Variants in SAXO1 observed in about 807,000 individuals in gnomAD.
SAXO1 encodes stabilizer of axonemal microtubules 1.
A neutral mutation model predicts 17.5 loss-of-function variants in SAXO1; 21 were observed. The ratio of observed to expected loss-of-function variants is 1.20; its 90% CI spans 0.85 to 1.72. The LOEUF is 1.72. Ranked by LOEUF, SAXO1 falls within the 40% of genes most tolerant of loss-of-function variation. The pLI, the probability that SAXO1 is intolerant of heterozygous loss-of-function variation, is 0.00. For missense variants in SAXO1, 843 were observed against 596.0 expected (o/e 1.41, Z -4.32); for synonymous variants, 274 against 216.5 (o/e 1.27, Z -2.33).
intron 1 of SAXO1, among the ~76,000 whole-genome samples, chr9:18,960,168 A>C (rs1251030969): frequency 3.3e-5 from 5 of 152,196 alleles, no homozygotes. Flanking sequence ...AAAAATATTT[A>C]GATTAATTAG....
chr9:18,971,371 A>G (rs560697078), intron 1 of SAXO1, among the ~76,000 whole-genome samples: 1 of 152,214 alleles, frequency 6.6e-6, no homozygotes, highest in South Asian at 2.1e-4. Flanking sequence ...TTCCATCAAA[A>G]TGTATCAGGG....
intron 1 of SAXO1, among the ~76,000 whole-genome samples, chr9:18,984,402 C>G (rs1833513685): frequency 6.6e-6 from 1 of 152,192 alleles, no homozygotes; most frequent in Admixed American, 6.5e-5. Context: ...ATGGCATCTT[C>G]TTCCAATAGA....
At chr9:18,941,523 G>C (rs1366048106) in intron 3 of SAXO1, 114 bp downstream of exon 3, 14 of 1,201,854 alleles carry the variant, frequency 1.2e-5, no homozygotes, top group Admixed American at 1.2e-4. Flanking sequence ...CTGGCCCGTA[G>C]GAAGTAGTCT....
chr9:19,038,284 G>A (rs950477927), intron 1 of SAXO1, among the ~76,000 whole-genome samples: 2 of 152,068 alleles, frequency 1.3e-5, no homozygotes, highest in Admixed American at 6.5e-5. Flanking sequence ...TATAAATCAT[G>A]CTGCTATAAA....
chr9:18,984,428 C>T (rs531763102), intron 1 of SAXO1, among the ~76,000 whole-genome samples: 49 of 152,200 alleles, frequency 3.2e-4, no homozygotes, highest in Non-Finnish European at 5.4e-4. Context: ...GTTTCATCTA[C>T]ACTGAAAATT....
chr9:18,992,444 G>C (rs1339858497), intron 1 of SAXO1, among the ~76,000 whole-genome samples: 1 of 152,180 alleles, frequency 6.6e-6, no homozygotes, highest in East Asian at 1.9e-4. Flanking sequence ...TGCTGGATTA[G>C]GGCCCACGCT....
At chr9:19,041,289 C>T (rs990623046) in intron 1 of SAXO1, among the ~76,000 whole-genome samples, 9 of 150,698 alleles carry the variant, frequency 6.0e-5, no homozygotes, top group African/African-American at 2.0e-4. Flanking sequence ...ATGAAAGAAA[C>T]AGAAGAGGAC....
intron 3 of SAXO1, 40 bp downstream of exon 3, chr9:18,941,597 G>A: frequency 1.2e-6 from 2 of 1,610,940 alleles, no homozygotes; most frequent in Non-Finnish European, 1.7e-6. Context: ...CACAGGCTCA[G>A]CCTGTCTTTC....
chr9:18,956,386 T>G (rs571196390), intron 1 of SAXO1, among the ~76,000 whole-genome samples: 6 of 152,292 alleles, frequency 3.9e-5, no homozygotes, highest in African/African-American at 1.4e-4. Context: ...TTCAAACTTA[T>G]GAACTTTCAA....
intron 1 of SAXO1, among the ~76,000 whole-genome samples, chr9:18,981,756 C>T (rs1342291011): frequency 6.6e-6 from 1 of 152,084 alleles, no homozygotes; most frequent in African/African-American, 2.4e-5. Context: ...CCCCACCTCA[C>T]AAGTGAATAA....
intron 1 of SAXO1, among the ~76,000 whole-genome samples, chr9:19,018,821 C>A (rs1429717764): frequency 3.3e-5 from 5 of 152,144 alleles, no homozygotes; most frequent in Non-Finnish European, 5.9e-5. Flanking sequence ...CCTTAAGAAC[C>A]TTCTTATGCC....
chr9:18,960,043 T>C (rs1832420845), intron 1 of SAXO1, among the ~76,000 whole-genome samples: 1 of 152,174 alleles, frequency 6.6e-6, no homozygotes, highest in African/African-American at 2.4e-5. Context: ...GAGCCAGAGC[T>C]GAGGGATGGG....
chr9:18,980,886 T>C (rs1216623351), intron 1 of SAXO1, among the ~76,000 whole-genome samples: 2 of 151,966 alleles, frequency 1.3e-5, no homozygotes, highest in African/African-American at 4.8e-5. Flanking sequence ...CTTGGTATGT[T>C]ACCTTCCATT....
At chr9:18,939,299 C>T (rs1460585030) in intron 3 of SAXO1, among the ~76,000 whole-genome samples, 1 of 152,216 alleles carries the variant, frequency 6.6e-6, no homozygotes, top group African/African-American at 2.4e-5. Context: ...AAAAGTGCCC[C>T]CCAACACCCT....
chr9:18,996,088 A>AAC (rs1833988676), intron 1 of SAXO1, among the ~76,000 whole-genome samples: 1 of 151,848 alleles, frequency 6.6e-6, no homozygotes, highest in African/African-American at 2.4e-5. Context: ...TCAAAAAAAA[A>AAC]AAAAGAAAAG....
intron 1 of SAXO1, among the ~76,000 whole-genome samples, chr9:19,008,388 T>A (rs540431455): frequency 6.6e-6 from 1 of 152,124 alleles, no homozygotes; most frequent in East Asian, 1.9e-4. Context: ...AGCTAACCAC[T>A]CAGTTGTTAT....
intron 1 of SAXO1, among the ~76,000 whole-genome samples, chr9:19,007,940 A>T (rs75243708): frequency 2.6e-5 from 4 of 151,066 alleles, no homozygotes; most frequent in African/African-American, 7.3e-5. Flanking sequence ...CAAGGGATAC[A>T]GTCTGCAAGT....
intron 1 of SAXO1, chr9:19,027,294 G>GT: frequency 1.1e-6 from 1 of 873,288 alleles, no homozygotes; most frequent in Non-Finnish European, 2.0e-6. Context: ...AGGAGACCTG[G>GT]TGGGTGTGAA....
chr9:18,929,239 C>A (rs1301670404), intron 3 of SAXO1, among the ~76,000 whole-genome samples, 184 bp from the exon 4 acceptor site: 2 of 152,176 alleles, frequency 1.3e-5, no homozygotes, highest in African/African-American at 4.8e-5. Flanking sequence ...ATGGTACTTG[C>A]AGGCAGAAGA....
Sources: allele counts gnomAD v4.1 joint callset (sites outside exome capture counted in the v4.1 genomes callset), GRCh38; gene constraint gnomAD v4.1.1; transcripts MANE v1.5; gene names NCBI Gene and HGNC (gene_info 2026-07-23, HGNC 2026-07-21).